ARHGAP12: variants seen among roughly 807,000 people sequenced by gnomAD.
ARHGAP12 encodes the protein Rho GTPase activating protein 12.
ARHGAP12 carries 64 observed loss-of-function variants against 108.6 expected under a neutral mutation model. That is an observed-to-expected ratio of 0.59 (90% confidence interval 0.48 to 0.73). ARHGAP12 has a LOEUF of 0.73. Among genes scored for constraint, ARHGAP12 ranks in the 30% least tolerant of loss-of-function variants. The pLI, the probability that ARHGAP12 is intolerant of heterozygous loss-of-function variation, is 0.00. For missense variants in ARHGAP12, 940 were observed against 1,005.9 expected (o/e 0.93, Z 0.89); for synonymous variants, 312 against 337.2 (o/e 0.93, Z 0.82).
At chr10:31,814,826 T>C (rs1459728528) in intron 13 of ARHGAP12, among the ~76,000 whole-genome samples, 1 of 152,048 alleles carries the variant, frequency 6.6e-6, no homozygotes, top group Admixed American at 6.6e-5. Flanking sequence ...AAAGAAATCC[T>C]AGAGCGGCCA....
At chr10:31,868,507 T>C (rs994470235) in intron 3 of ARHGAP12, among the ~76,000 whole-genome samples, 8 of 152,116 alleles carry the variant, frequency 5.3e-5, no homozygotes, top group African/African-American at 1.7e-4. Context: ...ATTGACCCTA[T>C]AGAAACTAGT....
At chr10:31,851,848 C>G (rs1297936279) in intron 6 of ARHGAP12, among the ~76,000 whole-genome samples, 1 of 152,130 alleles carries the variant, frequency 6.6e-6, no homozygotes, top group Non-Finnish European at 1.5e-5. Context: ...ACAACTGACA[C>G]CACATATTTG....
chr10:31,890,606 A>G (rs1838384122), intron 3 of ARHGAP12, among the ~76,000 whole-genome samples: 1 of 152,158 alleles, frequency 6.6e-6, no homozygotes, highest in African/African-American at 2.4e-5. Context: ...TAACGACTCC[A>G]TGGTTCCAGG....
At chr10:31,821,167 T>C (rs1835402490) in intron 11 of ARHGAP12, among the ~76,000 whole-genome samples, 1 of 152,182 alleles carries the variant, frequency 6.6e-6, no homozygotes, top group African/African-American at 2.4e-5. Flanking sequence ...CTTTTATCTT[T>C]GTCAGAAACT....
rs1834788649 is a variant in ARHGAP12, at chr10:31,805,447, C to T, written c.*2211G>A. 1 of 152,108 alleles carries T rather than the reference C, an allele frequency of 6.6e-6. No individual in the cohort carries two copies. Among genetic ancestry groups the T allele is most frequent in the Non-Finnish European group, 1.5e-5 (1 of 68,014 alleles). The allele number at this position is 152,108 out of a possible 1,614,324, so 9.4% of individuals were successfully genotyped here. A position where few individuals can be genotyped will look rare whatever the true frequency, so the allele number is the denominator to read the frequency against. ...AGACTTACTAACAAATAAAATTCCACTGATAATTTATTTCAGCTTTTAATA... is the reference window on the plus strand; with the variant it reads ...AGACTTACTAACAAATAAAATTCCATTGATAATTTATTTCAGCTTTTAATA... On this transcript the variant is annotated 3_prime_UTR_variant, in exon 20 of 20. Transcript: ENST00000344936.
In ARHGAP12 at chr10:31,811,184, A is replaced by T. The variant is rs1379233878; in HGVS notation, c.1952-437T>A. On this transcript the variant is annotated intron_variant, in intron 15 of 19. Coordinates refer to ENST00000344936, the MANE Select transcript of ARHGAP12 (RefSeq NM_018287.7). ...TATCTTGTCTACTTCCTACTTGAGTATAAGTTTCATGAGGGAGAGGACCAA... is the reference window on the plus strand; with the variant it reads ...TATCTTGTCTACTTCCTACTTGAGTTTAAGTTTCATGAGGGAGAGGACCAA... 1.3e-5 allele frequency among the ~76,000 whole-genome samples: 2 copies of T among 152,238 alleles called. 1 individual carries two copies. The highest frequency in any genetic ancestry group is 4.1e-4 in the South Asian group (2 of 4,836).
At chr10:31,926,733 C>T (rs1052905258) in intron 1 of ARHGAP12, among the ~76,000 whole-genome samples, 4 of 152,170 alleles carry the variant, frequency 2.6e-5, no homozygotes, top group Non-Finnish European at 4.4e-5. Flanking sequence ...TATCAGCCTA[C>T]TAAAAAACCA....
intron 3 of ARHGAP12, among the ~76,000 whole-genome samples, chr10:31,889,195 A>G (rs940272107): frequency 3.3e-5 from 5 of 152,234 alleles, no homozygotes; most frequent in African/African-American, 1.2e-4. Flanking sequence ...TACAGACGTG[A>G]GCCACCACAC....
chr10:31,882,081 A>C (rs1433098389), intron 3 of ARHGAP12, among the ~76,000 whole-genome samples: 3 of 151,816 alleles, frequency 2.0e-5, no homozygotes, highest in Non-Finnish European at 4.4e-5. Context: ...CGCCCGGCTA[A>C]TTTTTTGTAT....
At chr10:31,922,261 G>A (rs114930249) in intron 1 of ARHGAP12, among the ~76,000 whole-genome samples, 2,373 of 145,266 alleles carry the variant, frequency 0.016, 74 homozygotes, top group African/African-American at 0.057. Flanking sequence ...CAAACTAATG[G>A]GAACAAAAGA....
intron 3 of ARHGAP12, among the ~76,000 whole-genome samples, chr10:31,900,819 C>T (rs560995384): frequency 6.8e-6 from 1 of 148,134 alleles, no homozygotes; most frequent in South Asian, 2.2e-4. Context: ...AAGAATGAAC[C>T]CCAATGTATG....
chr10:31,831,921 A>G, intron 9 of ARHGAP12, 121 bp from the exon 10 acceptor site: 1 of 494,176 alleles, frequency 2.0e-6, no homozygotes, highest in East Asian at 3.3e-5. Context: ...AAGATTAGTC[A>G]ATGTGTAACA....
intron 5 of ARHGAP12, among the ~76,000 whole-genome samples, chr10:31,853,764 T>C (rs1836784312): frequency 6.6e-6 from 1 of 152,152 alleles, no homozygotes; most frequent in South Asian, 2.1e-4. Flanking sequence ...CAAAAAACTA[T>C]TCCCTCAGAA....
chr10:31,842,382 T>C (rs1240719180), intron 7 of ARHGAP12, among the ~76,000 whole-genome samples: 1 of 152,058 alleles, frequency 6.6e-6, no homozygotes. Context: ...CAAGCATATC[T>C]TCAATAGCAC....
At chr10:31,907,003 T>C (rs1839158564) in intron 3 of ARHGAP12, among the ~76,000 whole-genome samples, 1 of 152,192 alleles carries the variant, frequency 6.6e-6, no homozygotes, top group African/African-American at 2.4e-5. Context: ...CATAGCTTCC[T>C]TGATCTCAAA....
Position 31,893,196 on chromosome 10 carries a change from G to A in ARHGAP12, c.684+14976C>T, listed in dbSNP as rs1212824219. ...TAACATCACAATTAAAAGAACTAGA[G>A]AAGCAAGAGCAAACACATTCAAAAG... On this transcript the variant is annotated intron_variant, in intron 3 of 19. Transcript: ENST00000344936. Among the ~76,000 whole-genome samples the A allele has an allele frequency of 2.0e-5, 3 of 152,214 alleles. No individual in the cohort carries two copies. In the South Asian group the frequency reaches 6.2e-4, roughly 32 times the overall value.
intron 3 of ARHGAP12, among the ~76,000 whole-genome samples, chr10:31,884,629 A>G (rs1036231018): frequency 2.6e-5 from 4 of 152,234 alleles, no homozygotes; most frequent in Non-Finnish European, 5.9e-5. Flanking sequence ...CCACTTGTCT[A>G]CCTTGCACTG....
chr10:31,851,183 T>C (rs1437325970), intron 6 of ARHGAP12, among the ~76,000 whole-genome samples: 1 of 152,148 alleles, frequency 6.6e-6, no homozygotes, highest in Non-Finnish European at 1.5e-5. Flanking sequence ...ACAATCCTAT[T>C]GTATAAATGT....
chr10:31,826,936 C>T (rs929229084), intron 10 of ARHGAP12: 1 of 152,110 alleles, frequency 6.6e-6, no homozygotes, highest in African/African-American at 2.4e-5. Context: ...CAAAATGTTT[C>T]CTCCATCACA....
Sources: gnomAD v4.1 joint callset for allele counts (sites outside exome capture counted in the v4.1 genomes callset) on GRCh38, gnomAD v4.1.1 for gene constraint, MANE v1.5 for transcripts, NCBI Gene and HGNC (gene_info 2026-07-23, HGNC 2026-07-21) for gene names.